The following SV2C variants were observed in gnomAD, a reference collection of about 807,000 sequenced individuals.
SV2C encodes solute carrier family 22 member B3.
SV2C carries 49 observed loss-of-function variants against 79.7 expected under a neutral mutation model. The ratio of observed to expected loss-of-function variants is 0.61; its 90% CI spans 0.49 to 0.78. The LOEUF is 0.78. Among genes scored for constraint, SV2C ranks in the 30% least tolerant of loss-of-function variants. The probability of loss-of-function intolerance (pLI) is 0.00; values close to 1 mark genes in which losing one functional copy is unlikely to be tolerated. For synonymous variants in SV2C, 334 were observed against 333.2 expected (o/e 1.00, Z -0.03); for missense variants, 833 against 912.9 (o/e 0.91, Z 1.13).
chr5:76,042,817 C>T, the SV2C span, among the ~76,000 whole-genome samples: 2 of 152,228 alleles, frequency 1.3e-5, no homozygotes, highest in Non-Finnish European at 2.9e-5. Context: ...GCTGTCTTCT[C>T]TTTGCATTTT....
chr5:76,088,611 A>G (rs1747275607), intron 1 of SV2C, among the ~76,000 whole-genome samples: 1 of 152,284 alleles, frequency 6.6e-6, no homozygotes, highest in Non-Finnish European at 1.5e-5. Flanking sequence ...TCTTAATACT[A>G]TCACACTGGG....
chr5:76,009,282 G>T, the SV2C span, among the ~76,000 whole-genome samples: 3 of 152,194 alleles, frequency 2.0e-5, no homozygotes, highest in Non-Finnish European at 4.4e-5. Context: ...TGAGGCTGTG[G>T]AGAAAAGGGA....
chr5:75,999,824 G>T, the SV2C span, among the ~76,000 whole-genome samples: 1 of 152,088 alleles, frequency 6.6e-6, no homozygotes, highest in Non-Finnish European at 1.5e-5. Flanking sequence ...GCTACTCTCT[G>T]CTTGTAAGAT....
chr5:76,012,436 G>A, the SV2C span, among the ~76,000 whole-genome samples: 18 of 152,162 alleles, frequency 1.2e-4, no homozygotes, highest in Admixed American at 7.2e-4. Context: ...CATATCCTTC[G>A]CCCACTTTTC....
At chr5:76,136,363 A>G (rs1330941004) in intron 2 of SV2C, among the ~76,000 whole-genome samples, 1 of 152,238 alleles carries the variant, frequency 6.6e-6, no homozygotes, top group Non-Finnish European at 1.5e-5. Flanking sequence ...CAGCAAGAAC[A>G]TTTCATTTGA....
the SV2C span, among the ~76,000 whole-genome samples, chr5:75,872,056 T>C: frequency 0.19 from 27,738 of 146,334 alleles, 3,757 homozygotes; most frequent in African/African-American, 0.39. Flanking sequence ...CATATATATT[T>C]ATATATACAT....
At chr5:75,883,605 C>T in the SV2C span, among the ~76,000 whole-genome samples, 3 of 144,290 alleles carry the variant, frequency 2.1e-5, no homozygotes, top group African/African-American at 8.0e-5. Flanking sequence ...CCCAACACCG[C>T]ATATTCTCAC....
At chr5:76,306,942 C>T (rs1375710631) in intron 12 of SV2C, among the ~76,000 whole-genome samples, 2 of 152,162 alleles carry the variant, frequency 1.3e-5, no homozygotes, top group African/African-American at 4.8e-5. Flanking sequence ...ACTGCTGAGT[C>T]TGTTGTGGGA....
the SV2C span, among the ~76,000 whole-genome samples, chr5:75,934,861 C>A: frequency 6.8e-6 from 1 of 147,660 alleles, no homozygotes; most frequent in Non-Finnish European, 1.5e-5. Context: ...ATATCATGGG[C>A]AAGAGCAGAT....
At chr5:76,058,986 A>G in the SV2C span, among the ~76,000 whole-genome samples, 1 of 152,120 alleles carries the variant, frequency 6.6e-6, no homozygotes, top group African/African-American at 2.4e-5. Flanking sequence ...AATAAGAATC[A>G]CGTACATTTT....
chr5:75,908,483 T>C, the SV2C span, among the ~76,000 whole-genome samples: 1 of 152,214 alleles, frequency 6.6e-6, no homozygotes, highest in African/African-American at 2.4e-5. Flanking sequence ...ATTTGGATTG[T>C]TTCCAGCAAT....
At chr5:75,876,307 C>T in the SV2C span, among the ~76,000 whole-genome samples, 9 of 152,028 alleles carry the variant, frequency 5.9e-5, no homozygotes, top group Non-Finnish European at 1.3e-4. Flanking sequence ...CCTTAGCAAA[C>T]TAATGCAGGA....
rs560673992 is a variant in SV2C at position 76,295,122 on chromosome 5, A to G, written c.1338-656A>G. 1.8e-4 allele frequency among the ~76,000 whole-genome samples: 28 copies of G among 152,300 alleles called. No individual in the cohort carries two copies. The South Asian group carries it at 5.2e-3, about 28-fold the overall frequency. ...TTCTGCTGCTATAACAAAATACCACAACAGGTAATTTGTAAATAATAGGAA... is the reference window on the plus strand; with the variant it reads ...TTCTGCTGCTATAACAAAATACCACGACAGGTAATTTGTAAATAATAGGAA... On this transcript the variant is annotated intron_variant, in intron 8 of 12. Coordinates refer to ENST00000502798, the MANE Select transcript of SV2C (RefSeq NM_014979.4).
chr5:76,314,763 G>A (rs1748564399), intron 12 of SV2C, among the ~76,000 whole-genome samples: 1 of 152,074 alleles, frequency 6.6e-6, no homozygotes, highest in South Asian at 2.1e-4. Flanking sequence ...GCTGCTCCCA[G>A]CACAGACATA....
upstream of SV2C, among the ~76,000 whole-genome samples, chr5:76,080,080 T>C (rs189853165): frequency 6.1e-4 from 93 of 152,238 alleles, 1 homozygote; most frequent in African/African-American, 2.0e-3. Context: ...TTGGTTGTGA[T>C]AGACTTTCAA....
chr5:75,915,114 A>G, the SV2C span, among the ~76,000 whole-genome samples: 1 of 152,224 alleles, frequency 6.6e-6, no homozygotes, highest in Non-Finnish European at 1.5e-5. Context: ...CTCTTACAAC[A>G]CATGGGAATT....
intron 4 of SV2C, among the ~76,000 whole-genome samples, chr5:76,256,448 C>T (rs544449972): frequency 1.3e-5 from 2 of 152,292 alleles, no homozygotes; most frequent in South Asian, 4.1e-4. Context: ...CTCTTGTGAA[C>T]CCAGGGTGCC....
Position 76,137,330 on chromosome 5 carries a change from A to C in SV2C, c.580+5000A>C, listed in dbSNP as rs1749100671. Among the ~76,000 whole-genome samples the C allele has an allele frequency of 2.6e-5, 4 of 152,228 alleles. No homozygotes were observed. The South Asian group carries it at 8.3e-4, about 32-fold the overall frequency. ...CAGTTAATAGGGTGACAGAGGTGTC[A>C]GAATCGGAAGCATTTCTGGAAGAGA... On this transcript the variant is annotated intron_variant, in intron 2 of 12. Transcript: ENST00000502798.
At chr5:75,925,551 C>T in the SV2C span, among the ~76,000 whole-genome samples, 5 of 151,974 alleles carry the variant, frequency 3.3e-5, no homozygotes, top group Non-Finnish European at 7.4e-5. Context: ...TGGAGGGTGG[C>T]CCTTGGGATT....
Sources: gnomAD v4.1 joint callset for allele counts (sites outside exome capture counted in the v4.1 genomes callset) on GRCh38, gnomAD v4.1.1 for gene constraint, MANE v1.5 for transcripts, NCBI Gene and HGNC (gene_info 2026-07-23, HGNC 2026-07-21) for gene names.